REEP4: variants seen among roughly 807,000 people sequenced by gnomAD.
REEP4 encodes the protein receptor expression-enhancing protein 4.
In REEP4, 17 loss-of-function variants were observed where a neutral mutation model predicts 33.5. That is an observed-to-expected ratio of 0.51 (90% confidence interval 0.35 to 0.76). REEP4 has a LOEUF of 0.76. Ranked by LOEUF, REEP4 falls within the 30% of genes least tolerant of loss-of-function variation. REEP4 has a pLI of 0.01. For missense variants in REEP4, 340 were observed against 357.9 expected, an observed-to-expected ratio of 0.95 and a Z score of 0.40; for synonymous variants, 157 against 142.9, an observed-to-expected ratio of 1.10 and a Z score of -0.70.
In REEP4 at chr8:22,140,033, G is replaced by A. The variant is rs1827201663; in HGVS notation, c.233C>T (p.Ser78Leu). The change falls in exon 4 of 8, where the codon TCA becomes TTA. Residue 78 changes from serine (S) to leucine (L), a missense_variant. Physicochemically the swap from Ser to Leu is moderately radical, Grantham distance 145. Coordinates refer to ENST00000306306, the MANE Select transcript of REEP4 (RefSeq NM_025232.4). ...CAGGCTGGCGCCCTTGGTGTAGGGT[G>A]AGAGCAGCCACAGCACGAAGGCCAT... ...IKMAFVLWLL[S>L]PYTKGASLLY... 6.2e-7 allele frequency: 1 copy of A among 1,610,538 alleles called. No individual in the cohort carries two copies. Among genetic ancestry groups the A allele is most frequent in the Non-Finnish European group, 8.5e-7 (1 of 1,178,388 alleles).
At position 22,138,316 on chromosome 8, in the gene REEP4, T is replaced by C. The variant is rs1205401323; in HGVS notation, c.*171A>G. The C allele has an allele frequency of 3.5e-6, 2 of 563,602 alleles. No homozygotes were observed. Among genetic ancestry groups the C allele is most frequent in the Admixed American group, 2.5e-5 (1 of 40,328 alleles). 34.9% of individuals were successfully genotyped at this position (563,602 alleles called of 1,614,324 possible). On this transcript the variant is annotated 3_prime_UTR_variant, in exon 8 of 8. Transcript: ENST00000306306. Reference sequence around the variant, plus strand: ...CTTTGGTACATTGTGGGTGCATCCCTGCATGTGGCCTTGGCAGCATCTGCT... The same window carrying C: ...CTTTGGTACATTGTGGGTGCATCCCCGCATGTGGCCTTGGCAGCATCTGCT...
intron 1 of REEP4, among the ~76,000 whole-genome samples, 200 bp downstream of exon 1, chr8:22,141,251 C>G (rs1206826574): frequency 6.6e-6 from 1 of 152,252 alleles, no homozygotes; most frequent in Non-Finnish European, 1.5e-5. Context: ...GGGTCGTTCT[C>G]AGCCAACGAG....
intron 3 of REEP4, 27 bp downstream of exon 3, chr8:22,140,145 C>A: frequency 6.8e-6 from 11 of 1,613,822 alleles, no homozygotes; most frequent in Non-Finnish European, 9.3e-6. Flanking sequence ...ACCCCTGACC[C>A]ATGGCTTGCG....
chr8:22,139,043 C>T lies in REEP4; in HGVS notation c.436G>A (p.Gly146Ser), dbSNP rs138652730. The change falls in exon 6 of 8, where the codon GGC (glycine) becomes AGC (serine). Residue 146 changes from glycine (G) to serine (S), a missense_variant. Physicochemically the swap from Gly to Ser is moderately conservative, Grantham distance 56. Transcript: ENST00000306306. ...AATKSQGALA[G>S]RLRSFSMQDL... ...TGCATGGAGAAGCTCCGCAGCCTGCCGGCCAGCGCCCCCTGACTCTGCGAG... is the reference window on the plus strand; with the variant it reads ...TGCATGGAGAAGCTCCGCAGCCTGCTGGCCAGCGCCCCCTGACTCTGCGAG... 77 of 1,575,106 alleles carry T rather than the reference C, an allele frequency of 4.9e-5. No individual in the cohort carries two copies. In the African/African-American group the frequency reaches 7.9e-4, roughly 16 times the overall value.
At position 22,139,065 on chromosome 8, in the gene REEP4, C is replaced by A. The variant is rs567515316; in HGVS notation, c.418-4G>T. The A allele has an allele frequency of 9.6e-6, 15 of 1,566,128 alleles. No individual in the cohort carries two copies. The South Asian group carries it at 1.6e-4, about 16-fold the overall frequency. ...TGCCGGCCAGCGCCCCCTGACTCTG[C>A]GAGGGGGAAGAGGCTTCAGCGGGGA... On this transcript the variant is annotated splice_region_variant and splice_polypyrimidine_tract_variant and intron_variant, in intron 5 of 7. Coordinates refer to ENST00000306306, the MANE Select transcript of REEP4 (RefSeq NM_025232.4).
chr8:22,140,701 G>C lies in REEP4; in HGVS notation c.33-4C>G, dbSNP rs1482272105. 8.1e-6 allele frequency: 13 copies of C among 1,611,808 alleles called. No individual in the cohort carries two copies. In the South Asian group the frequency reaches 1.4e-4, roughly 18 times the overall value. On this transcript the variant is annotated splice_polypyrimidine_tract_variant and splice_region_variant and intron_variant, in intron 1 of 7. Coordinates refer to ENST00000306306, the MANE Select transcript of REEP4 (RefSeq NM_025232.4). ...ACACAGCATCCCAAACACCAGCCTG[G>C]AAGAGCAGCCATGGGGAGTGTGAGG...
chr8:22,139,638 ACCTGGT>A, intron 4 of REEP4, 109 bp from the exon 5 acceptor site: 7 of 894,618 alleles, frequency 7.8e-6, no homozygotes, highest in Admixed American at 5.5e-5. Flanking sequence ...GCCCAGCCCC[ACCTGGT>A]GCCCAGAGCC....
intron 5 of REEP4, 110 bp downstream of exon 5, chr8:22,139,306 C>T (rs1175408492): frequency 7.0e-6 from 7 of 1,003,226 alleles, no homozygotes; most frequent in Non-Finnish European, 1.1e-5. Flanking sequence ...CACCTTCTCA[C>T]CCCTGCTCCC....
rs758516503 is a variant in REEP4 at position 22,139,473 on chromosome 8, G to A, written c.360C>T (p.Ser120=). ...AKERSYETVL[S]FGKRGLNIAA... Reference sequence around the variant, plus strand: ...CAATGTTGAGGCCCCGCTTCCCGAAGCTGAGCACGGTCTCGTAGCTGCGCT... The same window carrying A: ...CAATGTTGAGGCCCCGCTTCCCGAAACTGAGCACGGTCTCGTAGCTGCGCT... The change falls in exon 5 of 8, where the codon AGC becomes AGT. Residue 120 remains serine (S), a synonymous_variant. Coordinates refer to ENST00000306306, the MANE Select transcript of REEP4 (RefSeq NM_025232.4). 1.3e-5 allele frequency: 21 copies of A among 1,610,672 alleles called. No homozygotes were observed. The South Asian group carries it at 2.2e-4, about 17-fold the overall frequency.
intron 2 of REEP4, 61 bp downstream of exon 2, chr8:22,140,564 C>G (rs1827213316): frequency 6.8e-7 from 1 of 1,462,980 alleles, no homozygotes. Flanking sequence ...AGGGAGAGGC[C>G]AACTGAGACC....
chr8:22,140,396 CTGCTCATTCCTA>C, intron 2 of REEP4, 148 bp from the exon 3 acceptor site: 7 of 915,092 alleles, frequency 7.6e-6, no homozygotes. Flanking sequence ...TGAGAAACTG[CTGCTCATTCCTA>C]TGCCCGCCTC....
At chr8:22,139,552 A>T in intron 4 of REEP4, 23 bp from the exon 5 acceptor site, 1 of 1,563,058 alleles carries the variant, frequency 6.4e-7, no homozygotes, top group Non-Finnish European at 8.7e-7. Flanking sequence ...TGGGGAGGAG[A>T]GCTCAGGTGG....
In REEP4 at chr8:22,138,237, C is replaced by T. The variant is rs995398955; in HGVS notation, c.*250G>A. ...TCAGGGAGGGCTCTTGTCCCACAAC[C>T]GGGGAAGGGAGAGGGCAGAGCAAGG... On this transcript the variant is annotated 3_prime_UTR_variant, in exon 8 of 8. Coordinates refer to ENST00000306306, the MANE Select transcript of REEP4 (RefSeq NM_025232.4). 7.7e-6 allele frequency: 5 copies of T among 647,738 alleles called. No homozygotes were observed. Among genetic ancestry groups the T allele is most frequent in the South Asian group, 1.7e-5 (1 of 58,520 alleles). The allele number at this position is 647,738 out of a possible 1,614,324, so 40.1% of individuals were successfully genotyped here. A position where few individuals can be genotyped will look rare whatever the true frequency, so the allele number is the denominator to read the frequency against.
intron 1 of REEP4, 41 bp downstream of exon 1, chr8:22,141,391 CCACCACAGGGGCGGGACGG>C: frequency 6.3e-7 from 1 of 1,576,570 alleles, no homozygotes. Context: ...TCCACAGCTT[CCACCACAGGGGCGGGACGG>C]CACCCCGGGG....
Position 22,141,717 on chromosome 8 carries a change from G to C in REEP4, c.-235C>G. ...CCCGGCGGGGAGGAAGCCGACTTGG[G>C]AGCGGGCGCGCCCCGCGGCCGGGGC... On this transcript the variant is annotated 5_prime_UTR_variant, in exon 1 of 8. Transcript: ENST00000306306. 2.4e-6 allele frequency: 1 copy of C among 421,470 alleles called. No homozygotes were observed. Among genetic ancestry groups the C allele is most frequent in the Non-Finnish European group, 4.2e-6 (1 of 239,014 alleles). 26.1% of individuals were successfully genotyped at this position (421,470 alleles called of 1,614,324 possible). A position where few individuals can be genotyped will look rare whatever the true frequency, so the allele number is the denominator to read the frequency against.
chr8:22,140,455 C>G (rs1275998900), intron 2 of REEP4, among the ~76,000 whole-genome samples, 170 bp downstream of exon 2: 1 of 145,266 alleles, frequency 6.9e-6, no homozygotes, highest in Non-Finnish European at 1.5e-5. Flanking sequence ...CACAGGCACC[C>G]CGATGGCCTG....
intron 5 of REEP4, 149 bp downstream of exon 5, chr8:22,139,267 G>T: frequency 1.1e-6 from 1 of 928,368 alleles, no homozygotes; most frequent in Non-Finnish European, 1.7e-6. Context: ...TCTGACTCCA[G>T]CTCCACGCTT....
In REEP4 at chr8:22,138,485, C is replaced by G; in HGVS notation, c.*2G>C. ...GTAAGAAGGGGGCAGATGCAGCAGA[C>G]CCTAGCTGTCCACGTCTGAGGGCAC... is the stretch of plus-strand genomic sequence containing the variant. On this transcript the variant is annotated 3_prime_UTR_variant, in exon 8 of 8. Transcript: ENST00000306306. 3 of 1,613,422 alleles carry G rather than the reference C, an allele frequency of 1.9e-6. No individual in the cohort carries two copies. In the South Asian group the frequency reaches 3.3e-5, roughly 18 times the overall value.
rs771863396 is a variant in REEP4 at position 22,138,700 on chromosome 8, T to C, written c.647A>G (p.Glu216Gly). 5.6e-6 allele frequency: 9 copies of C among 1,613,276 alleles called. No homozygotes were observed. The highest frequency in any genetic ancestry group is 7.6e-6 in the Non-Finnish European group (9 of 1,179,892). Residue 216 changes from glutamate to glycine, a missense_variant, in exon 7 of 8, where the codon GAG becomes GGG. By Grantham distance (98) the Glu-to-Gly change is moderately conservative (BLOSUM62 -2). Transcript: ENST00000306306. ...AVPRAPARPR[E>G]KPLIRSQSLR... is the part of the protein sequence containing the mutation. ...GCTCTGGCTGCGGATTAGGGGCTTC[T>C]CTCGGGGCCGGGCTGGCGCCCGGGG...
Sources: allele counts gnomAD v4.1 joint callset (sites outside exome capture counted in the v4.1 genomes callset), GRCh38; gene constraint gnomAD v4.1.1; transcripts MANE v1.5; gene names NCBI Gene and HGNC (gene_info 2026-07-23, HGNC 2026-07-21).